The following TENM4 variants were observed in gnomAD, a reference collection of about 807,000 sequenced individuals.
TENM4 encodes the protein teneurin transmembrane protein 4, also known as teneurin-4.
TENM4 carries 82 observed loss-of-function variants against 243.3 expected under a neutral mutation model. The observed-to-expected ratio is 0.34, with a 90% CI of 0.28 to 0.40. The LOEUF is 0.40. Ranked by LOEUF, TENM4 falls within the 10% of genes least tolerant of loss-of-function variation. TENM4 has a pLI of 1.00. For missense variants in TENM4, 3,138 were observed against 3,673.3 expected (o/e 0.85, Z 3.77); for synonymous variants, 1,412 against 1,456.3 (o/e 0.97, Z 0.69).
At chr11:79,419,709 TAA>T (rs1858891381) in intron 1 of TENM4, among the ~76,000 whole-genome samples, 1 of 152,008 alleles carries the variant, frequency 6.6e-6, no homozygotes, top group Admixed American at 6.6e-5. Flanking sequence ...TGTAAGGAGG[TAA>T]AGAGATTAGG....
At chr11:78,894,207 A>G (rs1232022749) in intron 7 of TENM4, among the ~76,000 whole-genome samples, 2 of 152,176 alleles carry the variant, frequency 1.3e-5, no homozygotes, top group African/African-American at 4.8e-5. Context: ...TCTCTACAGC[A>G]TGAGCAGGTC....
At chr11:78,851,489 T>G (rs1858538192) in intron 12 of TENM4, among the ~76,000 whole-genome samples, 1 of 152,246 alleles carries the variant, frequency 6.6e-6, no homozygotes, top group South Asian at 2.1e-4. Flanking sequence ...TAAAAGTGGC[T>G]TTCTTCTGGG....
Position 78,701,871 on chromosome 11 carries a change from G to C in TENM4, c.4742C>G (p.Pro1581Arg). ...AAACAGATAGAGCTCCTGGTCAATT[G>C]GTGAAGACAGCTCATACATGTTCTG... ...NTQNMYELSS[P>R]IDQELYLFDT... The change falls in exon 28 of 34, where the codon CCA (proline) becomes CGA (arginine). Residue 1581 changes from proline to arginine, a missense_variant. Physicochemically the swap from Pro to Arg is moderately radical, Grantham distance 103. This residue lies in a region of TENM4 where 2,467 missense variants were observed against 3,059.1 expected (regional missense o/e 0.81). Coordinates refer to ENST00000278550, the MANE Select transcript of TENM4 (RefSeq NM_001098816.3). 1 of 1,614,010 alleles carries C rather than the reference G, an allele frequency of 6.2e-7. No homozygotes were observed.
intron 12 of TENM4, among the ~76,000 whole-genome samples, chr11:78,815,870 A>G (rs1189189704): frequency 6.6e-6 from 1 of 152,270 alleles, no homozygotes; most frequent in African/African-American, 2.4e-5. Context: ...AAGAGGCAAG[A>G]CTGCAAGGAC....
chr11:79,374,656 T>C (rs918121007), intron 1 of TENM4, among the ~76,000 whole-genome samples: 7 of 152,168 alleles, frequency 4.6e-5, no homozygotes, highest in Admixed American at 3.9e-4. Context: ...AAAAGTTTTC[T>C]AAAATTTGTT....
intron 12 of TENM4, among the ~76,000 whole-genome samples, chr11:78,833,980 A>G (rs1051133903): frequency 2.6e-5 from 4 of 152,190 alleles, no homozygotes; most frequent in Non-Finnish European, 2.9e-5. Context: ...GTGACTTTGA[A>G]AAAGTTAACT....
chr11:78,988,210 A>G (rs540202470), intron 6 of TENM4, among the ~76,000 whole-genome samples: 5 of 152,336 alleles, frequency 3.3e-5, no homozygotes, highest in Non-Finnish European at 7.3e-5. Context: ...TCAAGTAGCT[A>G]TGGAGGGGTC....
intron 15 of TENM4, among the ~76,000 whole-genome samples, chr11:78,800,864 G>A (rs1857268209): frequency 6.6e-6 from 1 of 152,106 alleles, no homozygotes; most frequent in Admixed American, 6.5e-5. Flanking sequence ...TGAGTCGGGT[G>A]AGGGTTGGGG....
At chr11:79,246,377 G>A (rs924068415) in intron 2 of TENM4, among the ~76,000 whole-genome samples, 21 of 152,114 alleles carry the variant, frequency 1.4e-4, no homozygotes, top group Admixed American at 3.3e-4. Flanking sequence ...AAATAATTTG[G>A]CATTATCTAG....
chr11:79,174,489 A>G (rs892615091), intron 3 of TENM4, among the ~76,000 whole-genome samples: 1 of 152,108 alleles, frequency 6.6e-6, no homozygotes, highest in Non-Finnish European at 1.5e-5. Context: ...AGCTGTGCCT[A>G]GTGCATGTCT....
At chr11:79,255,975 G>A (rs1463228131) in intron 2 of TENM4, among the ~76,000 whole-genome samples, 1 of 152,160 alleles carries the variant, frequency 6.6e-6, no homozygotes, top group Non-Finnish European at 1.5e-5. Flanking sequence ...TGCCCCAGGA[G>A]GCTGAGCTTT....
chr11:79,004,686 A>G (rs1217200248), intron 6 of TENM4, among the ~76,000 whole-genome samples: 1 of 152,264 alleles, frequency 6.6e-6, no homozygotes, highest in East Asian at 1.9e-4. Flanking sequence ...TCACACCTAC[A>G]CTAACTAGAG....
chr11:78,663,429 T>A (rs999574221), intron 32 of TENM4, among the ~76,000 whole-genome samples: 3 of 152,212 alleles, frequency 2.0e-5, no homozygotes, highest in Admixed American at 6.5e-5. Flanking sequence ...TGGGTCATGA[T>A]GGCAGATCCT....
At position 78,701,975 on chromosome 11, in the gene TENM4, A is replaced by T; in HGVS notation, c.4638T>A (p.Ala1546=). 6.2e-7 allele frequency: 1 copy of T among 1,614,056 alleles called. No homozygotes were observed. The highest frequency in any genetic ancestry group is 8.5e-7 in the Non-Finnish European group (1 of 1,179,902). ...GGTCGGCCACGTAGAGCTCCCCATC[A>T]GCACACACAGCCAAGGAAGATGGGG... ...LNTPSSLAVC[A]DGELYVADLG... The change falls in exon 28 of 34, where the codon GCT becomes GCA. Residue 1546 remains alanine, a synonymous_variant. Transcript: ENST00000278550.
chr11:78,869,282 C>T (rs57786899), intron 9 of TENM4, among the ~76,000 whole-genome samples: 4,518 of 152,184 alleles, frequency 0.03, 196 homozygotes, highest in African/African-American at 0.1. Flanking sequence ...AACACAATGT[C>T]AGGAAAAGAA....
At chr11:79,367,278 C>T (rs535776039) in intron 1 of TENM4, among the ~76,000 whole-genome samples, 24 of 152,294 alleles carry the variant, frequency 1.6e-4, no homozygotes, top group African/African-American at 5.5e-4. Context: ...TCTTTCTTAC[C>T]TTCTGACCTT....
At chr11:79,318,875 C>T (rs1489974481) in intron 1 of TENM4, among the ~76,000 whole-genome samples, 1 of 152,200 alleles carries the variant, frequency 6.6e-6, no homozygotes, top group East Asian at 1.9e-4. Flanking sequence ...GAAAACTCCT[C>T]TCCATGTTTG....
intron 4 of TENM4, among the ~76,000 whole-genome samples, chr11:79,105,825 G>T (rs1360747187): frequency 1.3e-5 from 2 of 152,228 alleles, no homozygotes; most frequent in Non-Finnish European, 2.9e-5. Flanking sequence ...CTGGCTGGTT[G>T]AGAGAACCAG....
rs1343695167 is a variant in TENM4 at position 79,438,484 on chromosome 11, G to A, written c.-321+2025C>T. On this transcript the variant is annotated intron_variant, in intron 1 of 33. Coordinates refer to ENST00000278550, the MANE Select transcript of TENM4 (RefSeq NM_001098816.3). The surrounding 1 kb of genome is among the most constrained non-coding windows in gnomAD (Gnocchi z 4.1). ...GCGCAGGAAACCAGGAATAGGTGTA[G>A]GTAAGGGTGGCAGCCCGGCAGAGCC... 6.6e-6 allele frequency among the ~76,000 whole-genome samples: 1 copy of A among 152,156 alleles called. No homozygotes were observed. Among genetic ancestry groups the A allele is most frequent in the African/African-American group, 2.4e-5 (1 of 41,440 alleles).
Sources: allele counts gnomAD v4.1 joint callset (sites outside exome capture counted in the v4.1 genomes callset), GRCh38; gene constraint gnomAD v4.1.1; regional missense constraint gnomAD v4.1.1; non-coding constraint Gnocchi (gnomAD v3.1); transcripts MANE v1.5; gene names NCBI Gene and HGNC (gene_info 2026-07-23, HGNC 2026-07-21).